The following MOV10 variants were observed in gnomAD, a reference collection of about 807,000 sequenced individuals.
MOV10 encodes RNA helicase MOV-10.
In MOV10, 39 loss-of-function variants were observed where a neutral mutation model predicts 108.4. The ratio of observed to expected loss-of-function variants is 0.36; its 90% CI spans 0.28 to 0.47. The LOEUF (loss-of-function observed/expected upper bound fraction) is 0.47. Among genes scored for constraint, MOV10 ranks in the 20% least tolerant of loss-of-function variants. The probability of loss-of-function intolerance (pLI) is 1.00; values close to 1 mark genes in which losing one functional copy is unlikely to be tolerated. For missense variants in MOV10, 952 were observed against 1,297.6 expected (o/e 0.73, Z 4.09); for synonymous variants, 490 against 523.1 (o/e 0.94, Z 0.86).
Position 112,689,412 on chromosome 1 carries a change from C to T in MOV10, c.342-3C>T. 8 of 1,611,278 alleles carry T rather than the reference C, an allele frequency of 5.0e-6. No homozygotes were observed. The highest frequency in any genetic ancestry group is 6.8e-6 in the Non-Finnish European group (8 of 1,177,642). ...ACCCCCCCTTGACTCCCCTTCTCCC[C>T]AGGGCTGAGTATCTTCATGGGAAAC... On this transcript the variant is annotated splice_region_variant and splice_polypyrimidine_tract_variant and intron_variant, in intron 3 of 20. Transcript: ENST00000369645.
chr1:112,694,777 C>T lies in MOV10; in HGVS notation c.1501C>T (p.Pro501Ser), dbSNP rs774551277. ...KLYDRSLESN[P>S]EQLQAMRHIV... ...GTACGACCGGAGTCTGGAGTCAAAC[C>T]CAGAGCAGCTGCAGGCCATGAGGCA... The change falls in exon 10 of 21, where the codon CCA becomes TCA. Residue 501 changes from proline to serine, a missense_variant. Pro to Ser is a moderately conservative substitution (Grantham distance 74, BLOSUM62 -1). Coordinates refer to ENST00000369645, the MANE Select transcript of MOV10 (RefSeq NM_001321324.2). This position sits in a 1 kb window ranked among gnomAD's most constrained non-coding sequence, Gnocchi z 4.1. 2.5e-6 allele frequency: 4 copies of T among 1,614,134 alleles called. No individual in the cohort carries two copies. The South Asian group carries it at 3.3e-5, about 13-fold the overall frequency.
chr1:112,681,263 G>A (rs1172435593), intron 2 of MOV10, among the ~76,000 whole-genome samples: 3 of 151,900 alleles, frequency 2.0e-5, no homozygotes, highest in Admixed American at 6.6e-5. Context: ...AGGCCAAGGC[G>A]GGTGGATCAC....
Position 112,691,546 on chromosome 1 carries a change from T to G in MOV10, c.837-119T>G, listed in dbSNP as rs1363617349. On this transcript the variant is annotated intron_variant, in intron 5 of 20. Coordinates refer to ENST00000369645, the MANE Select transcript of MOV10 (RefSeq NM_001321324.2). ...GAGTAGTCCACCCTTGGAGCGAGGC[T>G]GCTGACTTCCCTTCAGCAGTAGGAT... 32 of 1,305,950 alleles carry G rather than the reference T, an allele frequency of 2.5e-5. 1 individual carries two copies. Among genetic ancestry groups the G allele is most frequent in the Non-Finnish European group, 3.1e-5 (29 of 943,146 alleles). 80.9% of individuals were successfully genotyped at this position (1,305,950 alleles called of 1,614,324 possible).
chr1:112,680,707 CTTTTTTTTT>C (rs1258934658), intron 2 of MOV10, among the ~76,000 whole-genome samples: 1 of 107,126 alleles, frequency 9.3e-6, no homozygotes, highest in Non-Finnish European at 1.8e-5. Context: ...TCATTTATCT[CTTTTTTTTT>C]TTTTTTTTTT....
intron 2 of MOV10, among the ~76,000 whole-genome samples, chr1:112,677,637 C>A (rs1672299050): frequency 6.6e-6 from 1 of 152,112 alleles, no homozygotes; most frequent in African/African-American, 2.4e-5. Context: ...GCTAGATCCT[C>A]TACCTTTAGT....
Position 112,675,060 on chromosome 1 carries a change from G to C in MOV10, c.137+11G>C, listed in dbSNP as rs763378481. On this transcript the variant is annotated intron_variant, in intron 2 of 20. Coordinates refer to ENST00000369645, the MANE Select transcript of MOV10 (RefSeq NM_001321324.2). This position sits in a 1 kb window ranked among gnomAD's most constrained non-coding sequence, Gnocchi z 4.7. The stretch of plus-strand genomic sequence containing the variant: ...CGACTTCAAGATCAGGTACGGGCCG[G>C]CCCACTCCCGGCCCCGAATCGCGGG... The C allele has an allele frequency of 6.3e-7, 1 of 1,584,092 alleles. No individual in the cohort carries two copies. Among genetic ancestry groups the C allele is most frequent in the Admixed American group, 1.8e-5 (1 of 55,438 alleles).
intron 2 of MOV10, among the ~76,000 whole-genome samples, chr1:112,682,188 C>T (rs1375547937): frequency 2.0e-5 from 3 of 152,144 alleles, no homozygotes; most frequent in Non-Finnish European, 2.9e-5. Context: ...AGCCATCGCG[C>T]CCGGCCATGG....
Position 112,700,351 on chromosome 1 carries a change from G to C in MOV10, c.2920+11G>C. The C allele has an allele frequency of 1.9e-6, 3 of 1,614,218 alleles. No homozygotes were observed. Among genetic ancestry groups the C allele is most frequent in the Non-Finnish European group, 2.5e-6 (3 of 1,180,034 alleles). The stretch of plus-strand genomic sequence containing the variant: ...GCCCCTCTACCTCAGGTATGGCTGG[G>C]CCAGGGTGGGGACAGTGCCAGAGGA... On this transcript the variant is annotated intron_variant, in intron 20 of 20. Transcript: ENST00000369645.
rs1164869295 is a variant in MOV10, at chr1:112,695,996, C to T, written c.1780-152C>T. ...GGCGGAGGTTGCAGTGGGCCAAGAT[C>T]ACACCATGGCACTCCAGCCTGGGGG... On this transcript the variant is annotated intron_variant, in intron 11 of 20. Coordinates refer to ENST00000369645, the MANE Select transcript of MOV10 (RefSeq NM_001321324.2). 6 of 649,358 alleles carry T rather than the reference C, an allele frequency of 9.2e-6. No individual in the cohort carries two copies. In the East Asian group the frequency reaches 1.6e-4, roughly 18 times the overall value. The allele number at this position is 649,358 out of a possible 1,614,324, so 40.2% of individuals were successfully genotyped here. A position where few individuals can be genotyped will look rare whatever the true frequency, so the allele number is the denominator to read the frequency against.
Position 112,675,175 on chromosome 1 carries a change from T to G in MOV10, c.137+126T>G. On this transcript the variant is annotated intron_variant, in intron 2 of 20. Transcript: ENST00000369645. This position sits in a 1 kb window ranked among gnomAD's most constrained non-coding sequence, Gnocchi z 4.7. ...CAGCTCCCCCAGCGGCTCAGGCCAGTCCCGGGGCGGCGCAGACCTCCCCTC... is the reference window on the plus strand; with the variant it reads ...CAGCTCCCCCAGCGGCTCAGGCCAGGCCCGGGGCGGCGCAGACCTCCCCTC... 2 of 1,125,478 alleles carry G rather than the reference T, an allele frequency of 1.8e-6. No individual in the cohort carries two copies. The highest frequency in any genetic ancestry group is 2.4e-6 in the Non-Finnish European group (2 of 829,600). 69.7% of individuals were successfully genotyped at this position (1,125,478 alleles called of 1,614,324 possible).
intron 2 of MOV10, among the ~76,000 whole-genome samples, chr1:112,684,523 C>T (rs1243255895): frequency 6.6e-6 from 1 of 152,166 alleles, no homozygotes; most frequent in African/African-American, 2.4e-5. Flanking sequence ...CCGCCTCAGC[C>T]TCCCAAAGTG....
At chr1:112,699,526 C>CA in intron 17 of MOV10, 159 bp from the exon 18 acceptor site, 1 of 1,471,910 alleles carries the variant, frequency 6.8e-7, no homozygotes, top group South Asian at 1.4e-5. Flanking sequence ...GCCTACCTCC[C>CA]ATCCCCTTTC....
At position 112,696,813 on chromosome 1, in the gene MOV10, C is replaced by T. The variant is rs763080177; in HGVS notation, c.2165C>T (p.Pro722Leu). 5.0e-6 allele frequency: 8 copies of T among 1,603,894 alleles called. No individual in the cohort carries two copies. Among genetic ancestry groups the T allele is most frequent in the Non-Finnish European group, 6.8e-6 (8 of 1,174,618 alleles). The change falls in exon 14 of 21, where the codon CCC becomes CTC. Residue 722 changes from proline (P) to leucine (L), a missense_variant. By Grantham distance (98) the Pro-to-Leu change is moderately conservative. Around this residue, in one of 5 missense-constraint regions of MOV10, gnomAD observed 453 missense variants for 611.5 expected, o/e 0.74. Transcript: ENST00000369645. ...AAGAAGGGCCCTGATGGCTATGACCCCCAGTTCATAACCAAGCTGCTCCGC... is the reference window on the plus strand; with the variant it reads ...AAGAAGGGCCCTGATGGCTATGACCTCCAGTTCATAACCAAGCTGCTCCGC... ...LYKKGPDGYD[P>L]QFITKLLRNY...
At position 112,687,930 on chromosome 1, in the gene MOV10, G is replaced by A. The variant is rs560458534; in HGVS notation, c.138-1005G>A. ...TGCCCCTCCCTGCACATGTTCTTGC[G>A]TACCTCTCACATCTGCTTACACTTC... On this transcript the variant is annotated intron_variant, in intron 2 of 20. Coordinates refer to ENST00000369645, the MANE Select transcript of MOV10 (RefSeq NM_001321324.2). Among the ~76,000 whole-genome samples the A allele has an allele frequency of 1.1e-3, 161 of 152,196 alleles. 2 individuals are homozygous for A. The highest frequency in any genetic ancestry group is 1.8e-3 in the Non-Finnish European group (123 of 68,012).
At chr1:112,691,528 C>A in intron 5 of MOV10, 137 bp from the exon 6 acceptor site, 2 of 1,011,764 alleles carry the variant, frequency 2.0e-6, no homozygotes, top group Non-Finnish European at 2.9e-6. Flanking sequence ...TGAGAGTAGT[C>A]CACCCTTGGA....
Position 112,696,190 on chromosome 1 carries a change from C to T in MOV10, c.1822C>T (p.Pro608Ser). ...CGCAAAGAAGGGGGAGTATGTATTT[C>T]CCGCCAAGAAGAAGCTGCAGGAATA... ...WDAKKGEYVF[P>S]AKKKLQEYRV... Residue 608 changes from proline (P) to serine (S), a missense_variant, in exon 12 of 21, where the codon CCC becomes TCC. Pro to Ser is a moderately conservative substitution (Grantham distance 74). This residue lies in a region of MOV10 where 453 missense variants were observed against 611.5 expected (regional missense o/e 0.74). Coordinates refer to ENST00000369645, the MANE Select transcript of MOV10 (RefSeq NM_001321324.2). The T allele has an allele frequency of 6.2e-7, 1 of 1,613,994 alleles. No individual in the cohort carries two copies. Among genetic ancestry groups the T allele is most frequent in the Non-Finnish European group, 8.5e-7 (1 of 1,179,966 alleles).
chr1:112,689,575 C>T lies in MOV10; in HGVS notation c.502C>T (p.Leu168Phe), dbSNP rs760074539. 1.2e-5 allele frequency: 19 copies of T among 1,614,236 alleles called. No individual in the cohort carries two copies. The South Asian group carries it at 1.4e-4, about 12-fold the overall frequency. ...AACCCAGTCTGTTACCCTCACTCACCTCTTCCCACTCTGCCGGACACCCCA... is the reference window on the plus strand; with the variant it reads ...AACCCAGTCTGTTACCCTCACTCACTTCTTCCCACTCTGCCGGACACCCCA... ...GGTQSVTLTHLFPLCRTPQFA... is the reference protein window; with the variant it reads ...GGTQSVTLTHFFPLCRTPQFA... The change falls in exon 4 of 21, where the codon CTC becomes TTC. Residue 168 changes from leucine (L) to phenylalanine (F), a missense_variant. Physicochemically the swap from Leu to Phe is conservative, Grantham distance 22. Transcript: ENST00000369645.
At position 112,696,460 on chromosome 1, in the gene MOV10, T is replaced by C. The variant is rs758287272; in HGVS notation, c.1907T>C (p.Ile636Thr). The change falls in exon 13 of 21, where the codon ATT becomes ACT. Residue 636 changes from isoleucine to threonine, a missense_variant. Transcript: ENST00000369645. The stretch of plus-strand genomic sequence containing the variant: ...AGGTTGGTCTCGGCCCAGTTTCCCA[T>C]TGATCACTTCACACACATCTTCATC... ...AGRLVSAQFPIDHFTHIFIDE... is the reference protein window; with the variant it reads ...AGRLVSAQFPTDHFTHIFIDE... 4 of 1,613,982 alleles carry C rather than the reference T, an allele frequency of 2.5e-6. No homozygotes were observed. The highest frequency in any genetic ancestry group is 1.1e-5 in the South Asian group (1 of 91,086).
chr1:112,699,377 CT>C, intron 17 of MOV10: 1 of 928,876 alleles, frequency 1.1e-6, no homozygotes, highest in Non-Finnish European at 1.4e-6. Flanking sequence ...TTAACAGATA[CT>C]TAGTGATTGT....
Sources: gnomAD v4.1 joint callset for allele counts (sites outside exome capture counted in the v4.1 genomes callset) on GRCh38, gnomAD v4.1.1 for gene constraint, gnomAD v4.1.1 regional missense constraint, Gnocchi (gnomAD v3.1) non-coding constraint, MANE v1.5 for transcripts, NCBI Gene and HGNC (gene_info 2026-07-23, HGNC 2026-07-21) for gene names.